CSRNP3: variants seen among roughly 807,000 people sequenced by gnomAD.
CSRNP3 encodes cysteine and serine rich nuclear protein 3, also known as cysteine/serine-rich nuclear protein 3.
In CSRNP3, 12 loss-of-function variants were observed where a neutral mutation model predicts 48.0. The ratio of observed to expected loss-of-function variants is 0.25; its 90% CI spans 0.16 to 0.41. The LOEUF (loss-of-function observed/expected upper bound fraction) is 0.41. Among genes scored for constraint, CSRNP3 ranks in the 10% least tolerant of loss-of-function variants. The probability of loss-of-function intolerance (pLI) is 1.00; values close to 1 mark genes in which losing one functional copy is unlikely to be tolerated. For synonymous variants in CSRNP3, 263 were observed against 269.7 expected (o/e 0.98, Z 0.24); for missense variants, 580 against 724.4 (o/e 0.80, Z 2.29).
At chr2:165,528,523 G>A (rs1260705159) in intron 3 of CSRNP3, among the ~76,000 whole-genome samples, 1 of 152,132 alleles carries the variant, frequency 6.6e-6, no homozygotes, top group African/African-American at 2.4e-5. Context: ...AAGGATAAAG[G>A]TTGTTTCATG....
intron 3 of CSRNP3, among the ~76,000 whole-genome samples, chr2:165,548,664 G>T (rs181530977): frequency 6.6e-6 from 1 of 152,076 alleles, no homozygotes; most frequent in Non-Finnish European, 1.5e-5. Flanking sequence ...AGTCTAAATT[G>T]TATGGAAATC....
chr2:165,638,030 T>G (rs1686660407), intron 4 of CSRNP3, among the ~76,000 whole-genome samples: 2 of 152,358 alleles, frequency 1.3e-5, no homozygotes, highest in East Asian at 3.9e-4. Flanking sequence ...TTAATTTTAT[T>G]GGCTACAAAA....
intron 2 of CSRNP3, among the ~76,000 whole-genome samples, chr2:165,514,451 C>T (rs370999539): frequency 1.3e-5 from 2 of 152,234 alleles, no homozygotes; most frequent in South Asian, 4.1e-4. Flanking sequence ...GATGATTCCT[C>T]TACAAAGTTG....
chr2:165,592,257 C>T (rs1685730062), intron 3 of CSRNP3, among the ~76,000 whole-genome samples: 1 of 152,196 alleles, frequency 6.6e-6, no homozygotes, highest in African/African-American at 2.4e-5. Context: ...CCTGTAGCCC[C>T]TTTGTTTTGG....
At chr2:165,636,073 C>T (rs931613693) in intron 4 of CSRNP3, among the ~76,000 whole-genome samples, 1 of 152,154 alleles carries the variant, frequency 6.6e-6, no homozygotes, top group Non-Finnish European at 1.5e-5. Flanking sequence ...TGCTATAACC[C>T]AGTTTCTTAA....
chr2:165,554,072 C>T (rs968326462), intron 3 of CSRNP3, among the ~76,000 whole-genome samples: 1 of 152,124 alleles, frequency 6.6e-6, no homozygotes, highest in Non-Finnish European at 1.5e-5. Flanking sequence ...AAATTTTCAG[C>T]CATCCATTTA....
chr2:165,680,959 C>T lies in CSRNP3; in HGVS notation c.*1206C>T, dbSNP rs948919580. 1 of 152,128 alleles carries T rather than the reference C, an allele frequency of 6.6e-6. No homozygotes were observed. The highest frequency in any genetic ancestry group is 1.5e-5 in the Non-Finnish European group (1 of 68,040). 9.4% of individuals were successfully genotyped at this position (152,128 alleles called of 1,614,324 possible). On this transcript the variant is annotated 3_prime_UTR_variant, in exon 7 of 7. Coordinates refer to ENST00000651982, the MANE Select transcript of CSRNP3 (RefSeq NM_001172173.2). ...AGTGACTAGCTGATTGAAGGGGGGC[C>T]TCTACCCAAATACTCAACTAGGCCT...
chr2:165,529,677 T>G (rs1475041937), intron 3 of CSRNP3, among the ~76,000 whole-genome samples: 1 of 152,106 alleles, frequency 6.6e-6, no homozygotes, highest in Non-Finnish European at 1.5e-5. Context: ...CCGGCGTGGA[T>G]GTATGATTTA....
intron 3 of CSRNP3, among the ~76,000 whole-genome samples, chr2:165,555,564 G>T (rs1685150628): frequency 6.6e-6 from 1 of 152,154 alleles, no homozygotes. Context: ...CTGTTTGCCA[G>T]ATACTGGACT....
At chr2:165,483,925 C>T (rs981442800) in intron 1 of CSRNP3, among the ~76,000 whole-genome samples, 1 of 151,592 alleles carries the variant, frequency 6.6e-6, no homozygotes, top group African/African-American at 2.4e-5. Flanking sequence ...AATAAATATT[C>T]AGACCATAGC....
chr2:165,640,230 T>TGTTTA (rs1686701988), intron 4 of CSRNP3, among the ~76,000 whole-genome samples: 1 of 152,228 alleles, frequency 6.6e-6, no homozygotes, highest in Non-Finnish European at 1.5e-5. Flanking sequence ...GTGTTACAAA[T>TGTTTA]ATTTATTTAA....
intron 4 of CSRNP3, among the ~76,000 whole-genome samples, chr2:165,609,465 G>GAAAAAA (rs34249194): frequency 7.2e-5 from 7 of 97,568 alleles, no homozygotes; most frequent in East Asian, 3.3e-4. Flanking sequence ...TCTAAAAAAA[G>GAAAAAA]AAAAAAAAAA....
intron 1 of CSRNP3, among the ~76,000 whole-genome samples, chr2:165,482,739 C>G (rs1684063957): frequency 6.6e-6 from 1 of 152,186 alleles, no homozygotes; most frequent in Non-Finnish European, 1.5e-5. Flanking sequence ...TCTTGCTTGT[C>G]TATGAGTAAA....
At chr2:165,626,464 G>C (rs1211154923) in intron 4 of CSRNP3, among the ~76,000 whole-genome samples, 2 of 152,182 alleles carry the variant, frequency 1.3e-5, no homozygotes, top group African/African-American at 4.8e-5. Flanking sequence ...ATATGGATTG[G>C]TGTACTGCAG....
intron 4 of CSRNP3, among the ~76,000 whole-genome samples, chr2:165,609,465 G>GAAAAAAA (rs34249194): frequency 1.0e-4 from 10 of 97,566 alleles, no homozygotes; most frequent in South Asian, 4.1e-4. Context: ...TCTAAAAAAA[G>GAAAAAAA]AAAAAAAAAA....
intron 4 of CSRNP3, among the ~76,000 whole-genome samples, chr2:165,599,441 C>T (rs1187230802): frequency 6.6e-6 from 1 of 152,014 alleles, no homozygotes; most frequent in Non-Finnish European, 1.5e-5. Flanking sequence ...AGGTGCACAC[C>T]ACTGCACCAG....
chr2:165,557,046 T>A (rs1685168568), intron 3 of CSRNP3, among the ~76,000 whole-genome samples: 1 of 152,154 alleles, frequency 6.6e-6, no homozygotes, highest in African/African-American at 2.4e-5. Flanking sequence ...GTGGCAAAAG[T>A]GGCAATCTTG....
rs758997007 is a variant in CSRNP3, at chr2:165,678,837, G to T, written c.842G>T (p.Arg281Leu). The T allele has an allele frequency of 1.2e-6, 2 of 1,614,000 alleles. No individual in the cohort carries two copies. Among genetic ancestry groups the T allele is most frequent in the South Asian group, 2.2e-5 (2 of 91,078 alleles). The change falls in exon 7 of 7, where the codon CGA (arginine) becomes CTA (leucine). Residue 281 changes from arginine (R) to leucine (L), a missense_variant. By Grantham distance (102) the Arg-to-Leu change is moderately radical. Around this residue, in one of 4 missense-constraint regions of CSRNP3, gnomAD observed 369 missense variants for 380.8 expected, o/e 0.97. Transcript: ENST00000651982. ...TIMKLELEKN[R>L]EQQIPTLNGC... ...ATGAAACTTGAACTGGAGAAAAACC[G>T]AGAGCAGCAAATCCCCACGCTGAAT...
In CSRNP3 at chr2:165,546,046, A is replaced by C. The variant is rs535353919; in HGVS notation, c.-24+28085A>C. On this transcript the variant is annotated intron_variant, in intron 3 of 6. Transcript: ENST00000651982. ...ATTAGCCCCACTTTATAGATGAGGA[A>C]ACCAAGGCTCATAAATGTTAAGTAC... 2.6e-5 allele frequency among the ~76,000 whole-genome samples: 4 copies of C among 152,298 alleles called. No homozygotes were observed. In the South Asian group the frequency reaches 8.3e-4, roughly 32 times the overall value.
Sources: gnomAD v4.1 joint callset for allele counts (sites outside exome capture counted in the v4.1 genomes callset) on GRCh38, gnomAD v4.1.1 for gene constraint, gnomAD v4.1.1 regional missense constraint, MANE v1.5 for transcripts, NCBI Gene and HGNC (gene_info 2026-07-23, HGNC 2026-07-21) for gene names.